The following GPC5 variants were observed in gnomAD, a reference collection of about 807,000 sequenced individuals.
GPC5 encodes the protein glypican-5.
In GPC5, 47 loss-of-function variants were observed where a neutral mutation model predicts 53.9. The observed-to-expected ratio is 0.87, with a 90% CI of 0.69 to 1.11. GPC5 has a LOEUF of 1.11. Ranked by LOEUF, GPC5 falls within the 50% of genes most tolerant of loss-of-function variation. The pLI, the probability that GPC5 is intolerant of heterozygous loss-of-function variation, is 0.00. For synonymous variants in GPC5, 286 were observed against 263.3 expected, an observed-to-expected ratio of 1.09 and a Z score of -0.84; for missense variants, 748 against 713.1, an observed-to-expected ratio of 1.05 and a Z score of -0.56.
rs984574117 is a variant in GPC5 at position 91,571,080 on chromosome 13, T to A, written c.326-122107T>A. Among the ~76,000 whole-genome samples the A allele has an allele frequency of 3.7e-4, 56 of 152,168 alleles. 1 individual carries two copies. The highest frequency in any genetic ancestry group is 5.2e-4 in the Admixed American group (8 of 15,264). On this transcript the variant is annotated intron_variant, in intron 2 of 7. Coordinates refer to ENST00000377067, the MANE Select transcript of GPC5 (RefSeq NM_004466.6). ...TTCTTGTTGTATTTGGCTTTATTTT[T>A]AATGCTTCTGGTCTTTGCACTCCTC... is the stretch of plus-strand genomic sequence containing the variant.
chr13:91,943,790 GATGTAAC>G (rs1390118690), intron 6 of GPC5, among the ~76,000 whole-genome samples: 1 of 152,026 alleles, frequency 6.6e-6, no homozygotes, highest in Non-Finnish European at 1.5e-5. Context: ...CTGAAATAGA[GATGTAAC>G]ATTGTTAAAT....
At chr13:92,381,895 A>G (rs1042552564) in intron 7 of GPC5, among the ~76,000 whole-genome samples, 3 of 48,344 alleles carry the variant, frequency 6.2e-5, no homozygotes, top group East Asian at 9.5e-4. Flanking sequence ...TATATTATAT[A>G]TAATCATATA....
chr13:91,772,386 G>A (rs7331895), intron 5 of GPC5, among the ~76,000 whole-genome samples: 15,598 of 152,106 alleles, frequency 0.1, 899 homozygotes, highest in Non-Finnish European at 0.13. Flanking sequence ...GCTAGAAATC[G>A]TTACTTTGTA....
intron 5 of GPC5, among the ~76,000 whole-genome samples, chr13:91,775,632 C>A (rs891526226): frequency 3.3e-5 from 5 of 152,282 alleles, no homozygotes; most frequent in Middle Eastern, 3.4e-3. Context: ...GTTTTCTCTT[C>A]CCAGTCTTTC....
chr13:92,513,309 C>CT (rs1041987191), intron 7 of GPC5, among the ~76,000 whole-genome samples: 1 of 152,010 alleles, frequency 6.6e-6, no homozygotes, highest in African/African-American at 2.4e-5. Flanking sequence ...ACATGCAATC[C>CT]TTTTTTGTCC....
At chr13:92,181,509 C>T (rs1378565376) in intron 7 of GPC5, among the ~76,000 whole-genome samples, 1 of 152,120 alleles carries the variant, frequency 6.6e-6, no homozygotes, top group Non-Finnish European at 1.5e-5. Context: ...TTTTAAAAAT[C>T]TTCAGATAGT....
intron 4 of GPC5, among the ~76,000 whole-genome samples, chr13:91,735,635 A>C (rs2036797787): frequency 6.6e-6 from 1 of 151,394 alleles, no homozygotes; most frequent in East Asian, 1.9e-4. Context: ...TTGAACAAAG[A>C]TATTAGGATA....
intron 6 of GPC5, among the ~76,000 whole-genome samples, chr13:92,020,961 C>T (rs1360468045): frequency 6.6e-6 from 1 of 152,064 alleles, no homozygotes; most frequent in East Asian, 1.9e-4. Context: ...TTAGGTCATA[C>T]GTTTAAGTCT....
At chr13:91,585,478 C>A (rs780128829) in intron 2 of GPC5, among the ~76,000 whole-genome samples, 1 of 152,154 alleles carries the variant, frequency 6.6e-6, no homozygotes, top group Non-Finnish European at 1.5e-5. Flanking sequence ...TGTACTGTAA[C>A]TACTCTCAAA....
intron 7 of GPC5, among the ~76,000 whole-genome samples, chr13:92,302,961 A>C (rs1362132809): frequency 6.6e-6 from 1 of 152,076 alleles, no homozygotes. Flanking sequence ...TTTTGTTTTC[A>C]TTTTCAAAAC....
chr13:91,572,143 A>G (rs1180891062), intron 2 of GPC5, among the ~76,000 whole-genome samples: 1 of 143,678 alleles, frequency 7.0e-6, no homozygotes, highest in Non-Finnish European at 1.5e-5. Flanking sequence ...ACACATATGT[A>G]TATATACGTG....
At chr13:92,740,072 C>A (rs1889044616) in intron 7 of GPC5, among the ~76,000 whole-genome samples, 1 of 151,970 alleles carries the variant, frequency 6.6e-6, no homozygotes, top group Non-Finnish European at 1.5e-5. Flanking sequence ...TCCCTATCCT[C>A]TTCTCCTCCA....
At chr13:92,451,669 G>A (rs1010630991) in intron 7 of GPC5, among the ~76,000 whole-genome samples, 3 of 152,116 alleles carry the variant, frequency 2.0e-5, no homozygotes, top group African/African-American at 7.2e-5. Flanking sequence ...AATAATAAAA[G>A]TCACTAATCC....
Position 91,693,444 on chromosome 13 carries a change from C to T in GPC5, c.583C>T (p.Arg195Trp), listed in dbSNP as rs755515197. 4.3e-6 allele frequency: 7 copies of T among 1,614,002 alleles called. No individual in the cohort carries two copies. Among genetic ancestry groups the T allele is most frequent in the East Asian group, 4.5e-5 (2 of 44,886 alleles). Residue 195 changes from arginine (R) to tryptophan (W), a missense_variant, in exon 3 of 8, where the codon CGG (arginine) becomes TGG (tryptophan). By Grantham distance (101) the Arg-to-Trp change is moderately radical. Transcript: ENST00000377067. ...TTCCCTGGAATACTCAGAATGCATC[C>T]GGATGGCTCGCCGGGATGTGAGTCC... ...DSSLEYSECIRMARRDVSPFG... is the reference protein window; with the variant it reads ...DSSLEYSECIWMARRDVSPFG...
rs1159073803 is a variant in GPC5 at position 91,735,090 on chromosome 13, A to G, written c.1154+6425A>G. On this transcript the variant is annotated intron_variant, in intron 4 of 7. Transcript: ENST00000377067. Reference sequence around the variant, plus strand: ...AAAGTGATTAGTAACTTAGTCTAAGATGACCTTGTTAAATATAAATTCTTA... The same window carrying G: ...AAAGTGATTAGTAACTTAGTCTAAGGTGACCTTGTTAAATATAAATTCTTA... Among the ~76,000 whole-genome samples, 4 of 151,296 alleles carry G rather than the reference A, an allele frequency of 2.6e-5. 1 individual carries two copies. The highest frequency in any genetic ancestry group is 9.8e-5 in the African/African-American group (4 of 40,688).
intron 7 of GPC5, among the ~76,000 whole-genome samples, chr13:92,613,666 T>TTATTATATATATTTTATATAATATATA (rs1213627124): frequency 2.3e-5 from 3 of 127,740 alleles, no homozygotes; most frequent in Non-Finnish European, 4.8e-5. Context: ...TTTATATATT[T>TTATTATATATATTTTATATAATATATA]TATTATATAT....
intron 6 of GPC5, among the ~76,000 whole-genome samples, chr13:92,095,014 A>C (rs1440107286): frequency 6.6e-6 from 1 of 152,144 alleles, no homozygotes; most frequent in East Asian, 1.9e-4. Flanking sequence ...TTTGACCCAA[A>C]ATATTCTGAA....
At position 92,839,716 on chromosome 13, in the gene GPC5, GA is replaced by G. The variant is rs895588113; in HGVS notation, c.1562-26557del. Among the ~76,000 whole-genome samples the G allele has an allele frequency of 4.0e-4, 59 of 148,796 alleles. No individual in the cohort carries two copies. The East Asian group carries it at 0.011, about 28-fold the overall frequency. On this transcript the variant is annotated intron_variant, in intron 7 of 7. Coordinates refer to ENST00000377067, the MANE Select transcript of GPC5 (RefSeq NM_004466.6). ...AATGAATCCAGGGGCTGGTTTTTTG[GA>G]AAAAAAAATAATAAAATAGACTGCT...
intron 4 of GPC5, among the ~76,000 whole-genome samples, chr13:91,753,164 T>G (rs1485592511): frequency 1.3e-5 from 2 of 152,200 alleles, no homozygotes; most frequent in African/African-American, 4.8e-5. Flanking sequence ...TATTTTATTC[T>G]GGACCGTAGA....
Sources: allele counts gnomAD v4.1 joint callset (sites outside exome capture counted in the v4.1 genomes callset), GRCh38; gene constraint gnomAD v4.1.1; transcripts MANE v1.5; gene names NCBI Gene and HGNC (gene_info 2026-07-23, HGNC 2026-07-21).